The following PRKAR1B variants were observed in gnomAD, a reference collection of about 807,000 sequenced individuals.
PRKAR1B encodes protein kinase cAMP-dependent type I regulatory subunit beta, also known as cAMP-dependent protein kinase type I-beta regulatory subunit.
In PRKAR1B, 22 loss-of-function variants were observed where a neutral mutation model predicts 46.5. The ratio of observed to expected loss-of-function variants is 0.47; its 90% confidence interval spans 0.34 to 0.68. The LOEUF (loss-of-function observed/expected upper bound fraction) is 0.68, where lower values mean the gene tolerates loss of function less well. Among genes scored for constraint, PRKAR1B ranks in the 30% least tolerant of loss-of-function variants. The pLI, the probability that PRKAR1B is intolerant of heterozygous loss-of-function variation, is 0.01. For missense variants in PRKAR1B, 445 were observed against 535.6 expected, an observed-to-expected ratio of 0.83 and a Z score of 1.67; for synonymous variants, 259 against 217.7, an observed-to-expected ratio of 1.19 and a Z score of -1.67.
In PRKAR1B at chr7:680,729, G is replaced by C; in HGVS notation, c.178-3C>G. 1 of 1,613,872 alleles carries C rather than the reference G, an allele frequency of 6.2e-7. No individual in the cohort carries two copies. Among genetic ancestry groups the C allele is most frequent in the South Asian group, 1.1e-5 (1 of 91,076 alleles). On this transcript the variant is annotated splice_region_variant and splice_polypyrimidine_tract_variant and intron_variant, in intron 2 of 10. Transcript: ENST00000537384. The stretch of plus-strand genomic sequence containing the variant: ...GCCAAAATCTGCCTGTTTTCTTCCT[G>C]TGTGGGAGAGGAAAACACAGAAAGG...
rs112606550 is a variant in PRKAR1B at position 684,877 on chromosome 7, C to CACACACACAG, written c.178-4152_178-4151insCTGTGTGTGT. On this transcript the variant is annotated intron_variant, in intron 2 of 10. Transcript: ENST00000537384. ...TTCACCTCCACCCACTTCACACAGA[C>CACACACACAG]ACACACACACACACACACACACACA... 8.5e-3 allele frequency among the ~76,000 whole-genome samples: 1,250 copies of CACACACACAG among 147,910 alleles called. 22 individuals carry two copies. The highest frequency in any genetic ancestry group is 0.029 in the African/African-American group (1,172 of 40,738).
intron 1 of PRKAR1B, chr7:726,778 G>A (rs943370779): frequency 7.9e-7 from 1 of 1,270,630 alleles, no homozygotes; most frequent in Non-Finnish European, 9.9e-7. Context: ...TGAGGGGGCC[G>A]AGACGGCTGA....
intron 8 of PRKAR1B, among the ~76,000 whole-genome samples, chr7:583,338 C>T (rs1484300276): frequency 4.6e-5 from 7 of 152,040 alleles, no homozygotes; most frequent in African/African-American, 1.7e-4. Context: ...ACACTGCATA[C>T]ACACACGTGC....
chr7:637,145 G>A (rs920715507), intron 4 of PRKAR1B, among the ~76,000 whole-genome samples: 1 of 152,192 alleles, frequency 6.6e-6, no homozygotes, highest in Non-Finnish European at 1.5e-5. Flanking sequence ...AAATTAGCCG[G>A]GCGTGGTGGT....
At chr7:701,385 C>A (rs767459933) in intron 2 of PRKAR1B, among the ~76,000 whole-genome samples, 2 of 151,748 alleles carry the variant, frequency 1.3e-5, no homozygotes, top group Admixed American at 6.6e-5. Context: ...CAGGGACTTG[C>A]GGGAAAATAT....
chr7:713,002 G>A lies in PRKAR1B; in HGVS notation c.-22-1475C>T, dbSNP rs74492212. ...TGACTCCCAGCGCTTAGGCGCACCAGCTTCACCCCGATGCCCAGTGGGAAA... is the reference window on the plus strand; with the variant it reads ...TGACTCCCAGCGCTTAGGCGCACCAACTTCACCCCGATGCCCAGTGGGAAA... On this transcript the variant is annotated intron_variant, in intron 1 of 10. Coordinates refer to ENST00000537384, the MANE Select transcript of PRKAR1B (RefSeq NM_001164760.2). 6.7e-3 allele frequency: 1,026 copies of A among 152,396 alleles called. 14 individuals are homozygous for A. Among genetic ancestry groups the A allele is most frequent in the African/African-American group, 0.024 (984 of 41,528 alleles). 9.4% of individuals were successfully genotyped at this position (152,396 alleles called of 1,614,324 possible).
At chr7:692,340 C>T (rs181040930) in intron 2 of PRKAR1B, among the ~76,000 whole-genome samples, 14 of 152,300 alleles carry the variant, frequency 9.2e-5, no homozygotes, top group African/African-American at 3.1e-4. Context: ...GTGGAGGTTG[C>T]AGTGAGCTGA....
At chr7:641,560 A>C (rs758902265) in intron 4 of PRKAR1B, among the ~76,000 whole-genome samples, 3 of 152,238 alleles carry the variant, frequency 2.0e-5, no homozygotes, top group Non-Finnish European at 4.4e-5. Flanking sequence ...CGTATTGTTC[A>C]TAATAGCTCC....
At chr7:601,636 C>A (rs1392931651) in intron 6 of PRKAR1B, among the ~76,000 whole-genome samples, 1 of 152,226 alleles carries the variant, frequency 6.6e-6, no homozygotes, top group Non-Finnish European at 1.5e-5. Context: ...CCCCGCCGGG[C>A]ACTCCCTGAC....
At chr7:583,593 G>A (rs560904513) in intron 8 of PRKAR1B, among the ~76,000 whole-genome samples, 1 of 63,602 alleles carries the variant, frequency 1.6e-5, no homozygotes, top group Non-Finnish European at 3.3e-5. Flanking sequence ...CACACTCCCA[G>A]GTGCACACAC....
chr7:718,908 G>A (rs1392580068), intron 1 of PRKAR1B, among the ~76,000 whole-genome samples: 2 of 117,798 alleles, frequency 1.7e-5, no homozygotes, highest in Non-Finnish European at 3.2e-5. Context: ...GTCTCGCTCT[G>A]TCATCCAGGC....
intron 3 of PRKAR1B, among the ~76,000 whole-genome samples, chr7:679,750 GAAGCCCT>G (rs1271429399): frequency 1.3e-5 from 2 of 152,172 alleles, no homozygotes; most frequent in Non-Finnish European, 2.9e-5. Flanking sequence ...TTCACATATG[GAAGCCCT>G]AACCAGCCAT....
In PRKAR1B at chr7:620,946, G is replaced by T. The variant is rs185246270; in HGVS notation, c.441-13494C>A. On this transcript the variant is annotated intron_variant, in intron 4 of 10. Coordinates refer to ENST00000537384, the MANE Select transcript of PRKAR1B (RefSeq NM_001164760.2). ...TATGACCTTTACCAAGTTAAGAAGT[G>T]ACCCTATTCTTAGTTTGCTAAGAAT... 1.8e-4 allele frequency among the ~76,000 whole-genome samples: 28 copies of T among 152,350 alleles called. 1 individual carries two copies. Among genetic ancestry groups the T allele is most frequent in the African/African-American group, 6.3e-4 (26 of 41,578 alleles).
At position 593,901 on chromosome 7, in the gene PRKAR1B, C is replaced by T. The variant is rs1044138617; in HGVS notation, c.708+2245G>A. On this transcript the variant is annotated intron_variant, in intron 7 of 10. Coordinates refer to ENST00000537384, the MANE Select transcript of PRKAR1B (RefSeq NM_001164760.2). This position sits in a 1 kb window ranked among gnomAD's most constrained non-coding sequence, Gnocchi z 6.1. ...TGGGGTGCAGAATCTGATGAAACAG[C>T]CGCCCCAAAGACTGTGCGAACGCGC... 6.6e-6 allele frequency among the ~76,000 whole-genome samples: 1 copy of T among 152,192 alleles called. No homozygotes were observed. The highest frequency in any genetic ancestry group is 2.4e-5 in the African/African-American group (1 of 41,472).
chr7:606,328 T>C (rs1782049828), intron 5 of PRKAR1B, 89 bp from the exon 6 acceptor site: 1 of 1,216,836 alleles, frequency 8.2e-7, no homozygotes, highest in South Asian at 1.3e-5. Context: ...CGCAACACTG[T>C]TGCAGAGACC....
At chr7:638,170 G>GCCTAAAATATCTTTAGAAAC (rs1192507402) in intron 4 of PRKAR1B, among the ~76,000 whole-genome samples, 5 of 152,254 alleles carry the variant, frequency 3.3e-5, no homozygotes, top group Non-Finnish European at 2.9e-5. Flanking sequence ...GGGACTGAAA[G>GCCTAAAATATCTTTAGAAAC]CCTAAAATAT....
intron 7 of PRKAR1B, among the ~76,000 whole-genome samples, chr7:591,080 A>G (rs549265264): frequency 5.9e-5 from 9 of 152,280 alleles, no homozygotes; most frequent in South Asian, 4.1e-4. Flanking sequence ...GAGGAATGCA[A>G]GCGTGTTTTG....
intron 4 of PRKAR1B, among the ~76,000 whole-genome samples, chr7:659,338 T>C (rs1411785917): frequency 2.0e-5 from 3 of 152,278 alleles, no homozygotes; most frequent in African/African-American, 7.2e-5. Context: ...CTGAAGGAGA[T>C]GCTCACTAAA....
At chr7:564,808 G>C (rs1779033143) in intron 9 of PRKAR1B, among the ~76,000 whole-genome samples, 1 of 152,220 alleles carries the variant, frequency 6.6e-6, no homozygotes, top group Non-Finnish European at 1.5e-5. Context: ...GTGAACTCCC[G>C]AGACGAACAC....
Sources: gnomAD v4.1 joint callset for allele counts (sites outside exome capture counted in the v4.1 genomes callset) on GRCh38, gnomAD v4.1.1 for gene constraint, Gnocchi (gnomAD v3.1) non-coding constraint, MANE v1.5 for transcripts, NCBI Gene and HGNC (gene_info 2026-07-23, HGNC 2026-07-21) for gene names.